Variants in ZNF385B observed in about 807,000 individuals in gnomAD.
ZNF385B encodes the protein zinc finger protein 385B.
A neutral mutation model predicts 39.2 loss-of-function variants in ZNF385B; 23 were observed. That is an observed-to-expected ratio of 0.59 (90% CI 0.42 to 0.83). The LOEUF (loss-of-function observed/expected upper bound fraction) is 0.83. Among genes scored for constraint, ZNF385B ranks in the 40% least tolerant of loss-of-function variants. ZNF385B has a pLI of 0.00. For missense variants in ZNF385B, 552 were observed against 598.9 expected (o/e 0.92, Z 0.82); for synonymous variants, 205 against 222.6 (o/e 0.92, Z 0.70).
intron 6 of ZNF385B, among the ~76,000 whole-genome samples, chr2:179,449,578 A>G (rs1296187531): frequency 2.6e-5 from 4 of 152,180 alleles, no homozygotes; most frequent in Non-Finnish European, 5.9e-5. Flanking sequence ...AGAACTAGAA[A>G]CCACTGCTCA....
intron 6 of ZNF385B, among the ~76,000 whole-genome samples, chr2:179,482,711 A>G (rs1483175814): frequency 6.6e-6 from 1 of 152,176 alleles, no homozygotes; most frequent in Non-Finnish European, 1.5e-5. Context: ...TGTAACTCTG[A>G]GGGGAACTCT....
chr2:179,634,985 A>AAG (rs1276185413), intron 3 of ZNF385B, among the ~76,000 whole-genome samples: 1 of 149,338 alleles, frequency 6.7e-6, no homozygotes, highest in African/African-American at 2.5e-5. Flanking sequence ...AAAAAAAAAA[A>AAG]AAAAAAAATA....
rs981439996 is a variant in ZNF385B at position 179,583,945 on chromosome 2, T to C, written c.299-38976A>G. 3.1e-6 allele frequency: 4 copies of C among 1,303,958 alleles called. No individual in the cohort carries two copies. In the African/African-American group the frequency reaches 4.6e-5, roughly 15 times the overall value. 80.8% of individuals were successfully genotyped at this position (1,303,958 alleles called of 1,614,324 possible). On this transcript the variant is annotated intron_variant, in intron 3 of 9. Transcript: ENST00000410066. ...AAACCATTCAAACCATCCATCAACA[T>C]ACCCACTCAGTTCATACATTCATAT...
rs191544648 is a variant in ZNF385B at position 179,634,406 on chromosome 2, A to C, written c.299-89437T>G. The stretch of plus-strand genomic sequence containing the variant: ...AAGTGGGCAAAAGATATGAACAGAC[A>C]CTTCTAAAAAGAAGACATCTATGCA... On this transcript the variant is annotated intron_variant, in intron 3 of 9. Coordinates refer to ENST00000410066, the MANE Select transcript of ZNF385B (RefSeq NM_152520.6). Among the ~76,000 whole-genome samples, 298 of 152,338 alleles carry C rather than the reference A, an allele frequency of 2.0e-3. 1 individual carries two copies. Among genetic ancestry groups the C allele is most frequent in the African/African-American group, 6.9e-3 (288 of 41,572 alleles).
At chr2:179,708,964 C>T (rs1699810574) in intron 3 of ZNF385B, among the ~76,000 whole-genome samples, 1 of 152,166 alleles carries the variant, frequency 6.6e-6, no homozygotes, top group Non-Finnish European at 1.5e-5. Context: ...GCAATGTATG[C>T]AGCTGTTTCC....
rs530553528 is a variant in ZNF385B, at chr2:179,848,906, T to C, written c.-155+12195A>G. Among the ~76,000 whole-genome samples, 3 of 152,338 alleles carry C rather than the reference T, an allele frequency of 2.0e-5. No individual in the cohort carries two copies. In the South Asian group the frequency reaches 6.2e-4, roughly 32 times the overall value. On this transcript the variant is annotated intron_variant, in intron 1 of 9. Coordinates refer to ENST00000410066, the MANE Select transcript of ZNF385B (RefSeq NM_152520.6). ...AGAGGAATAAAAAAAGAGAGGGGACTATTTCCAAATAATAGCAGCTATCGT... is the reference window on the plus strand; with the variant it reads ...AGAGGAATAAAAAAAGAGAGGGGACCATTTCCAAATAATAGCAGCTATCGT...
chr2:179,734,270 T>C (rs905475988), intron 3 of ZNF385B, among the ~76,000 whole-genome samples: 4 of 152,212 alleles, frequency 2.6e-5, no homozygotes, highest in Non-Finnish European at 4.4e-5. Context: ...TTTGTATACA[T>C]ATGCAAGTAT....
At chr2:179,684,939 GCTTAA>G (rs1380255037) in intron 3 of ZNF385B, among the ~76,000 whole-genome samples, 1 of 152,160 alleles carries the variant, frequency 6.6e-6, no homozygotes, top group Non-Finnish European at 1.5e-5. Flanking sequence ...AATTCAAAGT[GCTTAA>G]CTTATTTAAA....
intron 3 of ZNF385B, among the ~76,000 whole-genome samples, chr2:179,641,471 T>C (rs1031310707): frequency 1.3e-5 from 2 of 152,290 alleles, no homozygotes; most frequent in South Asian, 4.1e-4. Flanking sequence ...CAGCTTTGTT[T>C]GCAGCTGTAC....
chr2:179,514,605 T>C (rs1187367703), intron 5 of ZNF385B, among the ~76,000 whole-genome samples: 1 of 152,180 alleles, frequency 6.6e-6, no homozygotes, highest in African/African-American at 2.4e-5. Context: ...AATAGTATGC[T>C]ACCATTTACA....
chr2:179,757,321 G>GA (rs1703097162), intron 3 of ZNF385B, among the ~76,000 whole-genome samples: 1 of 144,430 alleles, frequency 6.9e-6, no homozygotes, highest in South Asian at 2.2e-4. Flanking sequence ...CGTTCCTCTG[G>GA]AAGCTTTGTC....
chr2:179,514,706 A>G (rs1254067920), intron 5 of ZNF385B, among the ~76,000 whole-genome samples: 1 of 152,138 alleles, frequency 6.6e-6, no homozygotes, highest in Non-Finnish European at 1.5e-5. Context: ...AAAAAATTAA[A>G]GTGATTACAA....
chr2:179,748,867 T>G (rs534441372), intron 3 of ZNF385B, among the ~76,000 whole-genome samples: 21 of 152,220 alleles, frequency 1.4e-4, no homozygotes, highest in African/African-American at 5.1e-4. Context: ...GAGCATTTCC[T>G]GGGTGCCTTT....
chr2:179,644,022 C>T (rs1029669266), intron 3 of ZNF385B, among the ~76,000 whole-genome samples: 1 of 151,970 alleles, frequency 6.6e-6, no homozygotes, highest in Non-Finnish European at 1.5e-5. Flanking sequence ...CTCTTACAAA[C>T]AAAACACCCC....
chr2:179,606,199 G>A (rs141881574), intron 3 of ZNF385B, among the ~76,000 whole-genome samples: 5 of 152,226 alleles, frequency 3.3e-5, no homozygotes, highest in African/African-American at 1.2e-4. Context: ...ACATGGTTCT[G>A]CTAGTTGTGC....
At chr2:179,798,643 A>AC (rs145826598) in intron 1 of ZNF385B, among the ~76,000 whole-genome samples, 1,610 of 152,158 alleles carry the variant, frequency 0.011, 28 homozygotes, top group African/African-American at 0.036. Context: ...AACCCCAATA[A>AC]CACACTCACT....
intron 3 of ZNF385B, among the ~76,000 whole-genome samples, chr2:179,729,128 C>CAAAAAAAAAAAAAAAAAAAA (rs767380342): frequency 1.3e-5 from 1 of 76,652 alleles, no homozygotes; most frequent in Non-Finnish European, 2.9e-5. Context: ...ATTCTATTCT[C>CAAAAAAAAAAAAAAAAAAAA]AAAAAAAAAA....
chr2:179,670,133 T>C lies in ZNF385B; in HGVS notation c.298+99370A>G, dbSNP rs549764989. On this transcript the variant is annotated intron_variant, in intron 3 of 9. Coordinates refer to ENST00000410066, the MANE Select transcript of ZNF385B (RefSeq NM_152520.6). ...GGTGAAACCCCGTCTCTACTAAAAA[T>C]ACAAAAAAATTAGCCGGGCGTGATG... Among the ~76,000 whole-genome samples, 3 of 151,480 alleles carry C rather than the reference T, an allele frequency of 2.0e-5. No homozygotes were observed. The East Asian group carries it at 5.8e-4, about 29-fold the overall frequency.
intron 3 of ZNF385B, among the ~76,000 whole-genome samples, chr2:179,683,914 G>T (rs953745015): frequency 6.6e-5 from 10 of 151,910 alleles, no homozygotes; most frequent in African/African-American, 2.4e-4. Context: ...GCTTAAATTT[G>T]TTTTTTTCTG....
Sources: allele counts gnomAD v4.1 joint callset (sites outside exome capture counted in the v4.1 genomes callset), GRCh38; gene constraint gnomAD v4.1.1; transcripts MANE v1.5; gene names NCBI Gene and HGNC (gene_info 2026-07-23, HGNC 2026-07-21).